The following PPP1R37 variants were observed in gnomAD, a reference collection of about 807,000 sequenced individuals.
PPP1R37 encodes the protein protein phosphatase 1 regulatory subunit 37.
A neutral mutation model predicts 61.0 loss-of-function variants in PPP1R37; 21 were observed. The observed-to-expected ratio is 0.34, with a 90% confidence interval of 0.24 to 0.50. The LOEUF is 0.50. Among genes scored for constraint, PPP1R37 ranks in the 20% least tolerant of loss-of-function variants. The pLI, the probability that PPP1R37 is intolerant of heterozygous loss-of-function variation, is 0.98. For synonymous variants in PPP1R37, 443 were observed against 433.5 expected, an observed-to-expected ratio of 1.02 and a Z score of -0.27; for missense variants, 910 against 952.7, an observed-to-expected ratio of 0.96 and a Z score of 0.59.
chr19:45,125,478 C>A (rs981418565), intron 1 of PPP1R37, among the ~76,000 whole-genome samples: 2 of 152,120 alleles, frequency 1.3e-5, no homozygotes. Flanking sequence ...AATATCTGAG[C>A]TTGGCTTTCC....
chr19:45,123,283 C>T (rs1266411880), intron 1 of PPP1R37, among the ~76,000 whole-genome samples: 4 of 152,192 alleles, frequency 2.6e-5, no homozygotes, highest in African/African-American at 9.7e-5. Context: ...GGTGCCCACA[C>T]CTCTCCCGCC....
At chr19:45,146,198 C>T (rs1968697450) in intron 11 of PPP1R37, 149 bp downstream of exon 11, 1 of 992,762 alleles carries the variant, frequency 1.0e-6, no homozygotes, top group Non-Finnish European at 1.4e-6. Context: ...CTCATCTCCA[C>T]CCTGCTTCCC....
At chr19:45,108,377 T>C (rs527444328) in intron 1 of PPP1R37, among the ~76,000 whole-genome samples, 1 of 151,414 alleles carries the variant, frequency 6.6e-6, no homozygotes, top group African/African-American at 2.4e-5. Flanking sequence ...GCCCGGCTAA[T>C]TTTCGTATTT....
At chr19:45,111,693 A>T (rs1599694458) in intron 1 of PPP1R37, among the ~76,000 whole-genome samples, 1 of 149,310 alleles carries the variant, frequency 6.7e-6, no homozygotes, top group African/African-American at 2.5e-5. Context: ...ATTGCCATTA[A>T]CTCACCTCTG....
chr19:45,106,182 G>A (rs1379171403), intron 1 of PPP1R37, among the ~76,000 whole-genome samples: 1 of 152,308 alleles, frequency 6.6e-6, no homozygotes, highest in East Asian at 1.9e-4. Context: ...AGGATGCCCT[G>A]GCACTTGGGT....
At chr19:45,140,775 G>A in intron 4 of PPP1R37, 169 bp downstream of exon 4, 1 of 605,548 alleles carries the variant, frequency 1.7e-6, no homozygotes, top group Non-Finnish European at 2.9e-6. Context: ...AATATGACCA[G>A]AGTGGATGTG....
At position 45,094,904 on chromosome 19, in the gene PPP1R37, G is replaced by A. The variant is rs12609099; in HGVS notation, c.202+1377G>A. On this transcript the variant is annotated intron_variant, in intron 1 of 12. Coordinates refer to ENST00000221462, the MANE Select transcript of PPP1R37 (RefSeq NM_019121.2). Reference sequence around the variant, plus strand: ...CTGAAAGGAGTGTGTTGGAGCCATAGGGCTGGGAAAGTGGAAAGTCGCTTG... The same window carrying A: ...CTGAAAGGAGTGTGTTGGAGCCATAAGGCTGGGAAAGTGGAAAGTCGCTTG... 4.6e-3 allele frequency among the ~76,000 whole-genome samples: 693 copies of A among 152,298 alleles called. 5 individuals carry two copies. The highest frequency in any genetic ancestry group is 0.024 in the Middle Eastern group (7 of 294).
At chr19:45,120,681 G>A (rs1599700309) in intron 1 of PPP1R37, among the ~76,000 whole-genome samples, 1 of 152,188 alleles carries the variant, frequency 6.6e-6, no homozygotes, top group African/African-American at 2.4e-5. Flanking sequence ...AGGCTGGAGT[G>A]CAGTGGCGCT....
chr19:45,097,568 G>C (rs1968008769), intron 1 of PPP1R37, among the ~76,000 whole-genome samples: 1 of 151,982 alleles, frequency 6.6e-6, no homozygotes, highest in African/African-American at 2.4e-5. Flanking sequence ...GGGGCCCAGG[G>C]TTTGGGGATT....
intron 3 of PPP1R37, 44 bp downstream of exon 3, chr19:45,140,325 G>A (rs923241138): frequency 1.1e-5 from 17 of 1,516,992 alleles, no homozygotes; most frequent in Middle Eastern, 3.3e-4. Context: ...GTCATGGGCA[G>A]GTCGGGGGCT....
chr19:45,136,512 T>C (rs1240931147), intron 1 of PPP1R37, among the ~76,000 whole-genome samples: 3 of 152,152 alleles, frequency 2.0e-5, no homozygotes, highest in African/African-American at 7.2e-5. Flanking sequence ...TCCTGGGGGC[T>C]GCCTTCCCAG....
chr19:45,146,567 C>T lies in PPP1R37; in HGVS notation c.*9-4C>T, dbSNP rs1477569559. On this transcript the variant is annotated splice_polypyrimidine_tract_variant and splice_region_variant and intron_variant, in intron 12 of 12. Coordinates refer to ENST00000221462, the MANE Select transcript of PPP1R37 (RefSeq NM_019121.2). ...AGTCTCTCCCCCAATCTCTCCTCCCCAAGTTCCCTTTTTCCGGTCGGTCTG... is the reference window on the plus strand; with the variant it reads ...AGTCTCTCCCCCAATCTCTCCTCCCTAAGTTCCCTTTTTCCGGTCGGTCTG... The T allele has an allele frequency of 1.5e-5, 15 of 986,282 alleles. No homozygotes were observed. In the Admixed American group the frequency reaches 2.5e-4, roughly 17 times the overall value. 61.1% of individuals were successfully genotyped at this position (986,282 alleles called of 1,614,324 possible). A position where few individuals can be genotyped will look rare whatever the true frequency, so the allele number is the denominator to read the frequency against.
rs533875003 is a variant in PPP1R37 at position 45,141,490 on chromosome 19, G to A, written c.567+49G>A. 9.1e-4 allele frequency: 1,372 copies of A among 1,511,640 alleles called. 4 individuals are homozygous for A. Among genetic ancestry groups the A allele is most frequent in the African/African-American group, 8.0e-3 (582 of 72,580 alleles). The allele number at this position is 1,511,640 out of a possible 1,614,324, so 93.6% of individuals were successfully genotyped here. A position where few individuals can be genotyped will look rare whatever the true frequency, so the allele number is the denominator to read the frequency against. ...AAGAGGCAGCTCAGGCTCCCAGCAC[G>A]GGGAGGCACTTTCTCAGGGCATGGC... is the stretch of plus-strand genomic sequence containing the variant. On this transcript the variant is annotated intron_variant, in intron 5 of 12. Transcript: ENST00000221462.
At chr19:45,098,192 A>G (rs1249343868) in intron 1 of PPP1R37, among the ~76,000 whole-genome samples, 1 of 151,602 alleles carries the variant, frequency 6.6e-6, no homozygotes, top group Non-Finnish European at 1.5e-5. Context: ...CAGCACTGCC[A>G]GGCTGGGCAC....
rs913782403 is a variant in PPP1R37, at chr19:45,093,318, C to A, written c.-8C>A. The stretch of plus-strand genomic sequence containing the variant: ...CCCCGGGGCCCCCGTGAGGAGGCGG[C>A]GGCGGCTATGGAGATCGCGCCGCAG... On this transcript the variant is annotated 5_prime_UTR_variant, in exon 1 of 13. Coordinates refer to ENST00000221462, the MANE Select transcript of PPP1R37 (RefSeq NM_019121.2). 1 of 1,412,298 alleles carries A rather than the reference C, an allele frequency of 7.1e-7. No individual in the cohort carries two copies. Among genetic ancestry groups the A allele is most frequent in the African/African-American group, 1.5e-5 (1 of 65,854 alleles). 87.5% of individuals were successfully genotyped at this position (1,412,298 alleles called of 1,614,324 possible).
intron 1 of PPP1R37, among the ~76,000 whole-genome samples, chr19:45,123,167 T>G (rs755766013): frequency 1.1e-4 from 16 of 152,090 alleles, no homozygotes; most frequent in Admixed American, 2.0e-4. Context: ...TCTCACTGAT[T>G]GTGCAGAAGG....
At chr19:45,116,132 G>A (rs752907561) in intron 1 of PPP1R37, among the ~76,000 whole-genome samples, 2 of 152,236 alleles carry the variant, frequency 1.3e-5, no homozygotes, top group Non-Finnish European at 2.9e-5. Flanking sequence ...TGTGGCATGA[G>A]GGAAGGTGCG....
chr19:45,141,513 G>A (rs2122754855), intron 5 of PPP1R37, 72 bp downstream of exon 5: 1 of 1,479,252 alleles, frequency 6.8e-7, no homozygotes, highest in South Asian at 1.3e-5. Flanking sequence ...CTCAGGGCAT[G>A]GCCCGTAGGC....
At chr19:45,127,217 C>A (rs1388917934) in intron 1 of PPP1R37, among the ~76,000 whole-genome samples, 3 of 152,022 alleles carry the variant, frequency 2.0e-5, no homozygotes, top group Admixed American at 1.3e-4. Flanking sequence ...GGCGTGGTGG[C>A]GTGTGCCTGT....
Sources: allele counts gnomAD v4.1 joint callset (sites outside exome capture counted in the v4.1 genomes callset), GRCh38; gene constraint gnomAD v4.1.1; transcripts MANE v1.5; gene names NCBI Gene and HGNC (gene_info 2026-07-23, HGNC 2026-07-21).